MTAP: variants seen among roughly 807,000 people sequenced by gnomAD.
MTAP encodes S-methyl-5'-thioadenosine phosphorylase.
In MTAP, 33 loss-of-function variants were observed where a neutral mutation model predicts 33.6. That is an observed-to-expected ratio of 0.98 (90% confidence interval 0.74 to 1.31). The LOEUF (loss-of-function observed/expected upper bound fraction) is 1.31, where lower values mean the gene tolerates loss of function less well. MTAP is among the 40% of genes most tolerant of loss of function. The probability of loss-of-function intolerance (pLI) is 0.00; values close to 1 mark genes in which losing one functional copy is unlikely to be tolerated. For missense variants in MTAP, 367 were observed against 360.0 expected (o/e 1.02, Z -0.16); for synonymous variants, 148 against 125.7 (o/e 1.18, Z -1.19).
intron 4 of MTAP, among the ~76,000 whole-genome samples, chr9:21,834,256 T>G (rs1386559454): frequency 3.3e-5 from 5 of 152,176 alleles, no homozygotes; most frequent in Non-Finnish European, 7.3e-5. Context: ...CTGATATAAC[T>G]GAGGTGCAGA....
In MTAP at chr9:21,802,727, C is replaced by G. The variant is rs1351755567; in HGVS notation, c.-22C>G. ...CTTAGTCCCGAGCGCTCGCCCACTG[C>G]AGATTCCTTTCCCGTGCAGACATGG... is the stretch of plus-strand genomic sequence containing the variant. On this transcript the variant is annotated 5_prime_UTR_variant, in exon 1 of 8. Coordinates refer to ENST00000644715, the MANE Select transcript of MTAP (RefSeq NM_002451.4). 6.2e-7 allele frequency: 1 copy of G among 1,612,626 alleles called. No homozygotes were observed. The highest frequency in any genetic ancestry group is 2.2e-5 in the East Asian group (1 of 44,808).
At position 21,815,294 on chromosome 9, in the gene MTAP, G is replaced by A. The variant is rs1281868261; in HGVS notation, c.34-139G>A. On this transcript the variant is annotated intron_variant, in intron 1 of 7. Coordinates refer to ENST00000644715, the MANE Select transcript of MTAP (RefSeq NM_002451.4). ...TGAAATATTTGTTGATTGATGTTCA[G>A]TAATTTTCAGATTTCAAAAAAATAA... The A allele has an allele frequency of 5.3e-6, 3 of 569,114 alleles. No individual in the cohort carries two copies. The African/African-American group carries it at 5.9e-5, about 11-fold the overall frequency. 35.3% of individuals were successfully genotyped at this position (569,114 alleles called of 1,614,324 possible).
chr9:21,869,626 T>C (rs1028667675), downstream of MTAP, among the ~76,000 whole-genome samples: 1 of 152,204 alleles, frequency 6.6e-6, no homozygotes, highest in Non-Finnish European at 1.5e-5. Context: ...TCCATCCTTC[T>C]AGTTCCTCAG....
intron 1 of MTAP, among the ~76,000 whole-genome samples, chr9:21,916,076 A>G (rs146957688): frequency 2.6e-5 from 3 of 115,716 alleles, no homozygotes; most frequent in East Asian, 6.3e-4. Context: ...GGGAGGGAGG[A>G]AGGAAAGGAA....
At chr9:21,856,374 CTGTT>C (rs770262208) in intron 6 of MTAP, among the ~76,000 whole-genome samples, 6 of 152,172 alleles carry the variant, frequency 3.9e-5, no homozygotes, top group African/African-American at 1.4e-4. Context: ...GTGTAATAAA[CTGTT>C]TGCTTAGTAC....
At chr9:21,888,263 T>C (rs1818145931) in intron 1 of MTAP, among the ~76,000 whole-genome samples, 1 of 152,218 alleles carries the variant, frequency 6.6e-6, no homozygotes, top group Admixed American at 6.5e-5. Flanking sequence ...TTGGAGAATG[T>C]TCCATGTACT....
chr9:21,865,722 G>T lies in MTAP; in HGVS notation c.*3708G>T. ...TGTTTCAGGGCCTGTTGCCAGCTATGCCTTTGAGAACCTCGGGATCCCAAA... is the reference window on the plus strand; with the variant it reads ...TGTTTCAGGGCCTGTTGCCAGCTATTCCTTTGAGAACCTCGGGATCCCAAA... On this transcript the variant is annotated 3_prime_UTR_variant, in exon 8 of 8. Transcript: ENST00000644715. The T allele has an allele frequency of 9.6e-7, 1 of 1,039,078 alleles. No homozygotes were observed. The highest frequency in any genetic ancestry group is 1.2e-6 in the Non-Finnish European group (1 of 857,544). 64.4% of individuals were successfully genotyped at this position (1,039,078 alleles called of 1,614,324 possible). A position where few individuals can be genotyped will look rare whatever the true frequency, so the allele number is the denominator to read the frequency against.
In MTAP at chr9:21,866,409, G is replaced by A. The variant is rs1190430189; in HGVS notation, c.*4395G>A. 1 of 151,854 alleles carries A rather than the reference G, an allele frequency of 6.6e-6. No individual in the cohort carries two copies. Among genetic ancestry groups the A allele is most frequent in the Non-Finnish European group, 1.5e-5 (1 of 67,934 alleles). The allele number at this position is 151,854 out of a possible 1,614,324, so 9.4% of individuals were successfully genotyped here. A position where few individuals can be genotyped will look rare whatever the true frequency, so the allele number is the denominator to read the frequency against. On this transcript the variant is annotated 3_prime_UTR_variant, in exon 8 of 8. Transcript: ENST00000644715. ...AGCCTAGTTTATCAATTTTTTTTATGGTTGGTGCTTTTTGTGTGTTCCAAG... is the reference window on the plus strand; with the variant it reads ...AGCCTAGTTTATCAATTTTTTTTATAGTTGGTGCTTTTTGTGTGTTCCAAG...
At chr9:21,924,566 G>C (rs1818837072) in intron 1 of MTAP, among the ~76,000 whole-genome samples, 1 of 152,234 alleles carries the variant, frequency 6.6e-6, no homozygotes, top group Non-Finnish European at 1.5e-5. Flanking sequence ...AATTGATCCA[G>C]TGATGATAGC....
intron 1 of MTAP, among the ~76,000 whole-genome samples, chr9:21,880,066 C>A (rs982278782): frequency 1.5e-4 from 23 of 151,942 alleles, no homozygotes; most frequent in African/African-American, 5.6e-4. Flanking sequence ...CAACAAATTC[C>A]ATTTGTTGGA....
At chr9:21,888,837 CA>C (rs1818154045) in intron 1 of MTAP, among the ~76,000 whole-genome samples, 1 of 151,916 alleles carries the variant, frequency 6.6e-6, no homozygotes, top group African/African-American at 2.4e-5. Flanking sequence ...GACACATAGT[CA>C]TCAGGTTATC....
intron 1 of MTAP, among the ~76,000 whole-genome samples, chr9:21,921,942 C>T (rs1281339687): frequency 6.6e-6 from 1 of 152,022 alleles, no homozygotes; most frequent in Non-Finnish European, 1.5e-5. Context: ...AAAGCCCATC[C>T]CCCACCAGTA....
intron 4 of MTAP, among the ~76,000 whole-genome samples, chr9:21,819,869 A>G (rs1382503170): frequency 6.6e-6 from 1 of 152,070 alleles, no homozygotes; most frequent in Admixed American, 6.6e-5. Flanking sequence ...TGTGGTTTTG[A>G]TTTGCATTTC....
At chr9:21,835,743 C>T (rs934862363) in intron 4 of MTAP, among the ~76,000 whole-genome samples, 1 of 152,168 alleles carries the variant, frequency 6.6e-6, no homozygotes, top group Non-Finnish European at 1.5e-5. Flanking sequence ...TGATTGTAAA[C>T]CTCATTGCTC....
intron 1 of MTAP, among the ~76,000 whole-genome samples, chr9:21,909,180 T>C (rs181217894): frequency 1.2e-3 from 189 of 152,228 alleles, no homozygotes; most frequent in African/African-American, 4.2e-3. Context: ...CAAATTATCT[T>C]AGTTTCCCTT....
At chr9:21,879,473 C>T (rs953641277) in intron 1 of MTAP, among the ~76,000 whole-genome samples, 1 of 152,072 alleles carries the variant, frequency 6.6e-6, no homozygotes, top group Admixed American at 6.6e-5. Flanking sequence ...CTCTTGAAGA[C>T]AGCATGCCAC....
chr9:21,929,500 G>T, intron 1 of MTAP: 1 of 269,790 alleles, frequency 3.7e-6, no homozygotes, highest in East Asian at 7.5e-5. Context: ...TTTACTGGCA[G>T]CACACTGCCA....
chr9:21,915,736 A>T (rs1196731873), intron 1 of MTAP, among the ~76,000 whole-genome samples: 1 of 152,126 alleles, frequency 6.6e-6, no homozygotes, highest in Non-Finnish European at 1.5e-5. Context: ...ACAATTTTTT[A>T]AAAAGCGGAG....
chr9:21,806,276 A>C (rs1824205732), intron 1 of MTAP, among the ~76,000 whole-genome samples: 1 of 152,062 alleles, frequency 6.6e-6, no homozygotes, highest in Admixed American at 6.5e-5. Context: ...TAGAATTTGC[A>C]GGTAGAACAC....
Sources: allele counts gnomAD v4.1 joint callset (sites outside exome capture counted in the v4.1 genomes callset), GRCh38; gene constraint gnomAD v4.1.1; transcripts MANE v1.5; gene names NCBI Gene and HGNC (gene_info 2026-07-23, HGNC 2026-07-21).